The following EPB41L2 variants were observed in gnomAD, a reference collection of about 807,000 sequenced individuals.
EPB41L2 encodes the protein erythrocyte membrane protein band 4.1 like 2, also known as band 4.1-like protein 2.
In EPB41L2, 43 loss-of-function variants were observed where a neutral mutation model predicts 113.0. That is an observed-to-expected ratio of 0.38 (90% CI 0.30 to 0.49). The LOEUF is 0.49. EPB41L2 is among the 20% of genes least tolerant of loss of function. The probability of loss-of-function intolerance (pLI) is 0.95; values close to 1 mark genes in which losing one functional copy is unlikely to be tolerated. For synonymous variants in EPB41L2, 442 were observed against 436.7 expected (o/e 1.01, Z -0.15); for missense variants, 1,147 against 1,223.4 (o/e 0.94, Z 0.93).
intron 1 of EPB41L2, among the ~76,000 whole-genome samples, chr6:131,012,826 G>A (rs1787343704): frequency 6.6e-6 from 1 of 152,106 alleles, no homozygotes; most frequent in Non-Finnish European, 1.5e-5. Flanking sequence ...CAAAGAAAGA[G>A]TTTAGTAAAA....
At chr6:130,859,247 C>G (rs1006827777) in intron 18 of EPB41L2, among the ~76,000 whole-genome samples, 1 of 152,158 alleles carries the variant, frequency 6.6e-6, no homozygotes, top group Non-Finnish European at 1.5e-5. Flanking sequence ...AAAGGCCAGG[C>G]GTGGTGGCTC....
chr6:130,977,870 T>C (rs1352893025), intron 1 of EPB41L2, among the ~76,000 whole-genome samples: 1 of 152,222 alleles, frequency 6.6e-6, no homozygotes, highest in Non-Finnish European at 1.5e-5. Flanking sequence ...AAACACTAAA[T>C]GAATGCAATT....
At chr6:130,968,407 A>T (rs976134738) in intron 1 of EPB41L2, among the ~76,000 whole-genome samples, 1 of 152,116 alleles carries the variant, frequency 6.6e-6, no homozygotes, top group Non-Finnish European at 1.5e-5. Flanking sequence ...AAATACCTAA[A>T]CCTCATAAAA....
intron 16 of EPB41L2, among the ~76,000 whole-genome samples, chr6:130,866,893 T>C (rs1007911146): frequency 6.6e-6 from 1 of 152,194 alleles, no homozygotes; most frequent in Admixed American, 6.5e-5. Context: ...GGTATCACCA[T>C]TCACATATGA....
At chr6:131,006,353 G>A (rs902099803) in intron 1 of EPB41L2, among the ~76,000 whole-genome samples, 10 of 147,510 alleles carry the variant, frequency 6.8e-5, no homozygotes, top group South Asian at 2.4e-4. Flanking sequence ...CACCGCACCC[G>A]ACGAACTTCT....
chr6:130,980,378 A>C (rs761647831), intron 1 of EPB41L2, among the ~76,000 whole-genome samples: 5 of 152,130 alleles, frequency 3.3e-5, no homozygotes, highest in Non-Finnish European at 7.3e-5. Flanking sequence ...CACACAAAGT[A>C]GAAAGAAAGG....
chr6:130,919,425 T>C (rs149323574), intron 4 of EPB41L2, among the ~76,000 whole-genome samples: 49 of 152,280 alleles, frequency 3.2e-4, no homozygotes, highest in African/African-American at 1.2e-3. Context: ...CATCATCACA[T>C]AGTTCTTCAC....
intron 1 of EPB41L2, among the ~76,000 whole-genome samples, chr6:130,984,197 CATG>C (rs930566613): frequency 7.9e-5 from 12 of 152,284 alleles, no homozygotes; most frequent in African/African-American, 2.9e-4. Flanking sequence ...TGTCATCTCC[CATG>C]ATAACAATGC....
intron 1 of EPB41L2, among the ~76,000 whole-genome samples, chr6:131,048,388 AC>A (rs1795906301): frequency 2.0e-5 from 3 of 152,178 alleles, no homozygotes. Context: ...CCACAATGCT[AC>A]ATTTAGGTGA....
intron 10 of EPB41L2, among the ~76,000 whole-genome samples, chr6:130,893,412 G>C (rs1308134372): frequency 2.6e-5 from 4 of 152,136 alleles, no homozygotes; most frequent in African/African-American, 9.7e-5. Context: ...ATGAAACCAA[G>C]AACACTCATG....
rs142998730 is a variant in EPB41L2 at position 130,959,424 on chromosome 6, A to C, written c.-14-2925T>G. On this transcript the variant is annotated intron_variant, in intron 1 of 19. Coordinates refer to ENST00000337057, the MANE Select transcript of EPB41L2 (RefSeq NM_001431.4). ...TGAGAGGATCCTTAAAAGAGCTCTT[A>C]TCACCATCAACATATAAGGTGAGGC... 5.8e-3 allele frequency among the ~76,000 whole-genome samples: 888 copies of C among 152,312 alleles called. 9 individuals carry two copies. The highest frequency in any genetic ancestry group is 0.024 in the Middle Eastern group (7 of 294).
intron 1 of EPB41L2, among the ~76,000 whole-genome samples, chr6:130,958,396 G>A (rs1162712528): frequency 1.3e-5 from 2 of 149,180 alleles, no homozygotes; most frequent in Admixed American, 6.8e-5. Context: ...AGGTTGCAGT[G>A]AGCCGAGATT....
intron 19 of EPB41L2, among the ~76,000 whole-genome samples, chr6:130,846,459 A>G (rs1777072738): frequency 6.6e-6 from 1 of 152,220 alleles, no homozygotes; most frequent in Non-Finnish European, 1.5e-5. Context: ...CCAATCTGCT[A>G]TCACTAAACT....
chr6:130,898,314 G>T (rs1037917454), intron 8 of EPB41L2, among the ~76,000 whole-genome samples: 1 of 152,116 alleles, frequency 6.6e-6, no homozygotes, highest in African/African-American at 2.4e-5. Context: ...ACAAATGCAA[G>T]AATTATTAAT....
intron 1 of EPB41L2, among the ~76,000 whole-genome samples, chr6:131,037,700 T>C (rs981662987): frequency 1.3e-5 from 2 of 151,490 alleles, no homozygotes; most frequent in African/African-American, 4.9e-5. Context: ...GCGATTCTCC[T>C]GCCTCAGCCT....
intron 3 of EPB41L2, among the ~76,000 whole-genome samples, chr6:130,937,821 G>GAA (rs66505919): frequency 1.2e-4 from 16 of 129,854 alleles, no homozygotes; most frequent in Middle Eastern, 3.9e-3. Context: ...ATCTCAAAAA[G>GAA]AAAAAAAAAA....
Position 130,982,577 on chromosome 6 carries a change from G to A in EPB41L2, c.-14-26078C>T, listed in dbSNP as rs1295359588. Among the ~76,000 whole-genome samples, 6 of 152,080 alleles carry A rather than the reference G, an allele frequency of 3.9e-5. 1 individual carries two copies. Among genetic ancestry groups the A allele is most frequent in the South Asian group, 4.1e-4 (2 of 4,824 alleles). On this transcript the variant is annotated intron_variant, in intron 1 of 19. Coordinates refer to ENST00000337057, the MANE Select transcript of EPB41L2 (RefSeq NM_001431.4). Reference sequence around the variant, plus strand: ...AACATTATCTAAATTCTAGAGAAACGGACATGAAAACTTTGTGTCAAAACG... The same window carrying A: ...AACATTATCTAAATTCTAGAGAAACAGACATGAAAACTTTGTGTCAAAACG...
At chr6:131,000,130 T>C (rs899686005) in intron 1 of EPB41L2, among the ~76,000 whole-genome samples, 1 of 148,080 alleles carries the variant, frequency 6.8e-6, no homozygotes, top group African/African-American at 2.6e-5. Context: ...GTAAATACCG[T>C]ATAAAGATGT....
chr6:130,924,626 C>T (rs146385457), intron 4 of EPB41L2, among the ~76,000 whole-genome samples: 7,452 of 151,980 alleles, frequency 0.049, 319 homozygotes, highest in African/African-American at 0.11. Context: ...ATGATCTGCC[C>T]GCCTCAGCCT....
Sources: gnomAD v4.1 joint callset for allele counts (sites outside exome capture counted in the v4.1 genomes callset) on GRCh38, gnomAD v4.1.1 for gene constraint, MANE v1.5 for transcripts, NCBI Gene and HGNC (gene_info 2026-07-23, HGNC 2026-07-21) for gene names.